CCDC149: variants seen among roughly 807,000 people sequenced by gnomAD.
The protein encoded by CCDC149 is coiled-coil domain-containing protein 149.
CCDC149 carries 45 observed loss-of-function variants against 59.9 expected under a neutral mutation model. The observed-to-expected ratio is 0.75, with a 90% CI of 0.59 to 0.96. The LOEUF (loss-of-function observed/expected upper bound fraction) is 0.96. Ranked by LOEUF, CCDC149 falls within the 40% of genes least tolerant of loss-of-function variation. The probability of loss-of-function intolerance (pLI) is 0.00; values close to 1 mark genes in which losing one functional copy is unlikely to be tolerated. For missense variants in CCDC149, 584 were observed against 664.7 expected, an observed-to-expected ratio of 0.88 and a Z score of 1.33; for synonymous variants, 245 against 260.6, an observed-to-expected ratio of 0.94 and a Z score of 0.58.
intron 1 of CCDC149, among the ~76,000 whole-genome samples, chr4:24,949,911 G>A (rs1425522460): frequency 6.6e-6 from 1 of 152,184 alleles, no homozygotes; most frequent in African/African-American, 2.4e-5. Context: ...GTTGCTTTAG[G>A]AACCTGCAGG....
intron 1 of CCDC149, among the ~76,000 whole-genome samples, chr4:24,977,950 T>C (rs937099316): frequency 1.3e-5 from 2 of 152,084 alleles, no homozygotes; most frequent in Non-Finnish European, 2.9e-5. Flanking sequence ...CTGGGTAACA[T>C]AACCACAATC....
At chr4:24,877,638 T>G in intron 1 of CCDC149, among the ~76,000 whole-genome samples, 1 of 152,226 alleles carries the variant, frequency 6.6e-6, no homozygotes, top group Non-Finnish European at 1.5e-5. Context: ...TGCGTTTAAC[T>G]TTTCCTATGA....
At chr4:24,970,407 C>A (rs555900702) in intron 1 of CCDC149, among the ~76,000 whole-genome samples, 5 of 152,264 alleles carry the variant, frequency 3.3e-5, no homozygotes, top group African/African-American at 1.2e-4. Context: ...CAAAGGACAC[C>A]TCAAGACCCA....
Position 24,808,472 on chromosome 4 carries a change from G to A in CCDC149, c.1540C>T (p.Arg514Trp), listed in dbSNP as rs74764772. Residue 514 changes from arginine to tryptophan, a missense_variant, in exon 13 of 13, where the codon CGG becomes TGG. Physicochemically the swap from Arg to Trp is moderately radical, Grantham distance 101 (BLOSUM62 -3). Transcript: ENST00000635206. Reference sequence around the variant, plus strand: ...GGTGTGGAAGCTTTGGCTGCTGGCCGGCTGGCCTCGAAGGAGTCCAGGTGA... The same window carrying A: ...GGTGTGGAAGCTTTGGCTGCTGGCCAGCTGGCCTCGAAGGAGTCCAGGTGA... 13,898 of 1,469,314 alleles carry A rather than the reference G, an allele frequency of 9.5e-3. 746 individuals carry two copies. In the East Asian group the frequency reaches 0.17, roughly 18 times the overall value. The allele number at this position is 1,469,314 out of a possible 1,614,324, so 91.0% of individuals were successfully genotyped here.
At chr4:24,974,722 G>T (rs905337396) in intron 1 of CCDC149, among the ~76,000 whole-genome samples, 1 of 152,140 alleles carries the variant, frequency 6.6e-6, no homozygotes, top group African/African-American at 2.4e-5. Context: ...CCACTCAACT[G>T]CATGGCCTCG....
intron 1 of CCDC149, among the ~76,000 whole-genome samples, chr4:24,962,922 T>A (rs1424845733): frequency 2.0e-5 from 2 of 97,612 alleles, no homozygotes; most frequent in African/African-American, 3.3e-5. Context: ...AAAATCTTTG[T>A]AAAGTGAAAA....
chr4:24,845,558 T>C (rs1409593099), intron 4 of CCDC149, among the ~76,000 whole-genome samples: 1 of 152,220 alleles, frequency 6.6e-6, no homozygotes, highest in African/African-American at 2.4e-5. Flanking sequence ...GTACCAGAGA[T>C]GTCCAAATGT....
intron 1 of CCDC149, among the ~76,000 whole-genome samples, chr4:24,905,597 A>T (rs1577473127): frequency 1.9e-5 from 1 of 53,978 alleles, no homozygotes; most frequent in Non-Finnish European, 7.1e-5. Context: ...CACCACGCCC[A>T]GCTAATTTTT....
At chr4:24,813,496 A>ATATC (rs1560197539) in intron 12 of CCDC149, among the ~76,000 whole-genome samples, 5 of 11,256 alleles carry the variant, frequency 4.4e-4, no homozygotes, top group African/African-American at 1.2e-3. Flanking sequence ...GGGAATATAT[A>ATATC]TATATATATA....
At chr4:24,895,104 A>C in intron 1 of CCDC149, 103 of 1,063,350 alleles carry the variant, frequency 9.7e-5, no homozygotes, top group Non-Finnish European at 1.3e-4. Flanking sequence ...ACTACTTATG[A>C]ATAAGTAGTG....
Position 24,808,832 on chromosome 4 carries a change from C to T in CCDC149, c.1193-13G>A, listed in dbSNP as rs756080842. ...TTCTGAGCCTCCCCTGAAAACAGAACGAGGACAACATTAAACCTCTGGCAG... is the reference window on the plus strand; with the variant it reads ...TTCTGAGCCTCCCCTGAAAACAGAATGAGGACAACATTAAACCTCTGGCAG... On this transcript the variant is annotated splice_polypyrimidine_tract_variant and intron_variant, in intron 12 of 12. Transcript: ENST00000635206. 22 of 1,536,780 alleles carry T rather than the reference C, an allele frequency of 1.4e-5. 1 individual carries two copies. The Middle Eastern group carries it at 5.1e-4, about 35-fold the overall frequency.
At chr4:24,836,961 C>G (rs1716576524) in intron 6 of CCDC149, among the ~76,000 whole-genome samples, 1 of 152,224 alleles carries the variant, frequency 6.6e-6, no homozygotes, top group South Asian at 2.1e-4. Context: ...AAGCAACTCT[C>G]ATGGGTTCCT....
At chr4:24,938,820 A>G (rs1254389832) in intron 1 of CCDC149, among the ~76,000 whole-genome samples, 2 of 152,236 alleles carry the variant, frequency 1.3e-5, no homozygotes, top group African/African-American at 4.8e-5. Flanking sequence ...CTGAGATCAA[A>G]CTGCAAGGCA....
At chr4:24,936,554 G>C (rs1445942083) in intron 1 of CCDC149, among the ~76,000 whole-genome samples, 5 of 152,088 alleles carry the variant, frequency 3.3e-5, no homozygotes, top group Non-Finnish European at 7.4e-5. Flanking sequence ...TAATTTCTTT[G>C]TGGTAACAAC....
chr4:24,871,438 C>A lies in CCDC149; in HGVS notation c.264+2243G>T, dbSNP rs141929208. Among the ~76,000 whole-genome samples, 1,212 of 152,310 alleles carry A rather than the reference C, an allele frequency of 8.0e-3. 16 individuals are homozygous for A. The highest frequency in any genetic ancestry group is 0.028 in the African/African-American group (1,154 of 41,564). On this transcript the variant is annotated intron_variant, in intron 3 of 12. Coordinates refer to ENST00000635206, the MANE Select transcript of CCDC149 (RefSeq NM_001330643.2). ...TATCTGCATCCACCCATTTCAAAGT[C>A]CTGCTCAGGCACAGAGGCTTCCCTA...
chr4:24,947,609 C>T (rs1344608292), intron 1 of CCDC149, among the ~76,000 whole-genome samples: 1 of 152,204 alleles, frequency 6.6e-6, no homozygotes, highest in African/African-American at 2.4e-5. Context: ...GTCTATCCTC[C>T]TCTTCCATGA....
chr4:24,920,773 C>T (rs1722262643), intron 1 of CCDC149, among the ~76,000 whole-genome samples: 1 of 152,184 alleles, frequency 6.6e-6, no homozygotes, highest in Non-Finnish European at 1.5e-5. Flanking sequence ...CAAGTATTAA[C>T]CAAGCCTGAC....
intron 12 of CCDC149, among the ~76,000 whole-genome samples, chr4:24,811,694 G>A (rs547267257): frequency 4.7e-4 from 71 of 152,072 alleles, no homozygotes; most frequent in East Asian, 3.3e-3. Flanking sequence ...CCAACATGGC[G>A]AAACCCTGTC....
At chr4:24,952,800 T>C (rs1455927001) in intron 1 of CCDC149, among the ~76,000 whole-genome samples, 2 of 151,578 alleles carry the variant, frequency 1.3e-5, no homozygotes, top group African/African-American at 4.9e-5. Context: ...CTTGCAAAAC[T>C]GAAACTCTGT....
Sources: gnomAD v4.1 joint callset for allele counts (sites outside exome capture counted in the v4.1 genomes callset) on GRCh38, gnomAD v4.1.1 for gene constraint, MANE v1.5 for transcripts, NCBI Gene and HGNC (gene_info 2026-07-23, HGNC 2026-07-21) for gene names.